Variants in MCF2L2 observed in about 807,000 individuals in gnomAD.
MCF2L2 encodes MCF.2 cell line derived transforming sequence-like 2, also known as probable guanine nucleotide exchange factor MCF2L2.
A neutral mutation model predicts 150.2 loss-of-function variants in MCF2L2; 102 were observed. The observed-to-expected ratio is 0.68, with a 90% CI of 0.58 to 0.80. The LOEUF is 0.80. Ranked by LOEUF, MCF2L2 falls within the 30% of genes least tolerant of loss-of-function variation. The pLI, the probability that MCF2L2 is intolerant of heterozygous loss-of-function variation, is 0.00. For synonymous variants in MCF2L2, 465 were observed against 491.3 expected, an observed-to-expected ratio of 0.95 and a Z score of 0.71; for missense variants, 1,256 against 1,372.8, an observed-to-expected ratio of 0.91 and a Z score of 1.34.
chr3:183,361,478 G>T (rs907452320), intron 3 of MCF2L2, among the ~76,000 whole-genome samples: 12 of 152,134 alleles, frequency 7.9e-5, no homozygotes, highest in Admixed American at 2.0e-4. Flanking sequence ...GTTCTCATGA[G>T]ATCTGATGGT....
chr3:183,197,561 C>A lies in MCF2L2; in HGVS notation c.2885-2306G>T, dbSNP rs781628102. On this transcript the variant is annotated intron_variant, in intron 25 of 29. Coordinates refer to ENST00000328913, the MANE Select transcript of MCF2L2 (RefSeq NM_015078.4). This position sits in a 1 kb window ranked among gnomAD's most constrained non-coding sequence, Gnocchi z 4.5. ...GAAAATCTTTATGGCTTTTAGATAA[C>A]GATTTCTTAGGCAGGATACCGAAAA... Among the ~76,000 whole-genome samples the A allele has an allele frequency of 6.6e-6, 1 of 152,026 alleles. No individual in the cohort carries two copies. Among genetic ancestry groups the A allele is most frequent in the Admixed American group, 6.6e-5 (1 of 15,248 alleles).
Position 183,428,244 on chromosome 3 carries a change from C to G in MCF2L2, c.-267G>C, listed in dbSNP as rs1050622131. 1 of 438,654 alleles carries G rather than the reference C, an allele frequency of 2.3e-6. No individual in the cohort carries two copies. Among genetic ancestry groups the G allele is most frequent in the Non-Finnish European group, 4.1e-6 (1 of 246,840 alleles). 27.2% of individuals were successfully genotyped at this position (438,654 alleles called of 1,614,324 possible). A position where few individuals can be genotyped will look rare whatever the true frequency, so the allele number is the denominator to read the frequency against. On this transcript the variant is annotated 5_prime_UTR_variant, in exon 1 of 30. Coordinates refer to ENST00000328913, the MANE Select transcript of MCF2L2 (RefSeq NM_015078.4). The surrounding 1 kb of genome is among the most constrained non-coding windows in gnomAD (Gnocchi z 5.1). ...GGAGCGGCCGTTCTGCAAAAGGAAG[C>G]AAGTCGCCAATCTCGCCGGAACCGC...
chr3:183,390,127 G>C (rs1577115846), intron 1 of MCF2L2, among the ~76,000 whole-genome samples: 1 of 152,034 alleles, frequency 6.6e-6, no homozygotes, highest in Non-Finnish European at 1.5e-5. Context: ...TACACCTTTG[G>C]GTCTGCAGAA....
At chr3:183,195,149 G>T in intron 26 of MCF2L2, 73 bp downstream of exon 26, 3 of 1,183,326 alleles carry the variant, frequency 2.5e-6, no homozygotes, top group Non-Finnish European at 3.6e-6. Context: ...AGCAATAAAA[G>T]CAATGACATG....
At chr3:183,217,664 A>T (rs1433625756) in intron 21 of MCF2L2, among the ~76,000 whole-genome samples, 1 of 152,138 alleles carries the variant, frequency 6.6e-6, no homozygotes, top group African/African-American at 2.4e-5. Context: ...ATTTACATGT[A>T]AAAGCTATAA....
intron 15 of MCF2L2, among the ~76,000 whole-genome samples, chr3:183,257,059 C>T (rs1467713043): frequency 3.3e-5 from 5 of 151,636 alleles, no homozygotes; most frequent in Admixed American, 3.3e-4. Flanking sequence ...AGAAAAAAAC[C>T]TGAAAAAAAA....
chr3:183,321,549 CAT>C (rs1415091083), intron 6 of MCF2L2, among the ~76,000 whole-genome samples: 1 of 151,986 alleles, frequency 6.6e-6, no homozygotes, highest in African/African-American at 2.4e-5. Context: ...GAAGTGAGCA[CAT>C]ACTGTTGGAA....
chr3:183,221,236 C>A (rs1723138266), intron 20 of MCF2L2, among the ~76,000 whole-genome samples: 1 of 152,150 alleles, frequency 6.6e-6, no homozygotes, highest in Admixed American at 6.5e-5. Flanking sequence ...TCCTCACAGA[C>A]CCCCCGCAAA....
At chr3:183,310,789 C>T in intron 9 of MCF2L2, 126 bp downstream of exon 9, 1 of 649,230 alleles carries the variant, frequency 1.5e-6, no homozygotes, top group South Asian at 2.0e-5. Flanking sequence ...TGTAAAGAAG[C>T]AAGGAGATAA....
At chr3:183,419,541 G>A (rs1316643508) in intron 1 of MCF2L2, among the ~76,000 whole-genome samples, 2 of 152,134 alleles carry the variant, frequency 1.3e-5, no homozygotes, top group Admixed American at 6.6e-5. Context: ...ATCTCTTTGT[G>A]AATGCATATA....
intron 3 of MCF2L2, among the ~76,000 whole-genome samples, chr3:183,352,493 G>C (rs922400114): frequency 6.6e-6 from 1 of 152,122 alleles, no homozygotes; most frequent in Non-Finnish European, 1.5e-5. Flanking sequence ...ACTGCACTCC[G>C]GCCTGGGCGA....
intron 2 of MCF2L2, 113 bp from the exon 3 acceptor site, chr3:183,379,524 A>C: frequency 1.4e-6 from 1 of 693,958 alleles, no homozygotes; most frequent in South Asian, 1.7e-5. Context: ...ATATTATCTC[A>C]GACTAGAATT....
Position 183,379,363 on chromosome 3 carries a change from G to A in MCF2L2, c.209C>T (p.Ser70Leu), listed in dbSNP as rs529572628. Residue 70 changes from serine (S) to leucine (L), a missense_variant, in exon 3 of 30, where the codon TCG (serine) becomes TTG (leucine). By Grantham distance (145) the Ser-to-Leu change is moderately radical. Transcript: ENST00000328913. ...TTCATCTGGGATGTGTTTGAACCCC[G>A]AAAACTCTGGGAACGTGATGATGGG... ...GAPIITFPEF[S>L]GFKHIPDEDF... The A allele has an allele frequency of 2.9e-5, 46 of 1,610,716 alleles. No homozygotes were observed. The highest frequency in any genetic ancestry group is 5.0e-5 in the Admixed American group (3 of 59,436).
At chr3:183,386,870 T>C (rs1202335621) in intron 2 of MCF2L2, among the ~76,000 whole-genome samples, 1 of 152,334 alleles carries the variant, frequency 6.6e-6, no homozygotes, top group East Asian at 1.9e-4. Context: ...AACAAAGTGC[T>C]GACTCAGAGA....
intron 5 of MCF2L2, among the ~76,000 whole-genome samples, chr3:183,334,263 T>G (rs1040880266): frequency 6.6e-6 from 1 of 152,222 alleles, no homozygotes; most frequent in African/African-American, 2.4e-5. Flanking sequence ...GAATCTTTAA[T>G]GGATACTAAA....
At chr3:183,210,942 T>C (rs1451488810) in intron 22 of MCF2L2, among the ~76,000 whole-genome samples, 2 of 151,746 alleles carry the variant, frequency 1.3e-5, no homozygotes, top group East Asian at 1.9e-4. Flanking sequence ...GGGTTGGGGG[T>C]TGGCAATGTG....
chr3:183,280,600 C>T (rs1577019297), intron 14 of MCF2L2, among the ~76,000 whole-genome samples: 1 of 151,854 alleles, frequency 6.6e-6, no homozygotes, highest in African/African-American at 2.4e-5. Context: ...GTAATCCTAG[C>T]GCTTTGGGAG....
chr3:183,196,236 G>A (rs999544563), intron 25 of MCF2L2, among the ~76,000 whole-genome samples: 1 of 152,060 alleles, frequency 6.6e-6, no homozygotes. Flanking sequence ...GGTTACCTCC[G>A]AGAGGCCCTC....
chr3:183,408,653 A>C (rs1450732276), intron 1 of MCF2L2, among the ~76,000 whole-genome samples: 1 of 152,248 alleles, frequency 6.6e-6, no homozygotes, highest in Non-Finnish European at 1.5e-5. Context: ...CAATTTAATT[A>C]ATTCTAGCTT....
Sources: allele counts gnomAD v4.1 joint callset (sites outside exome capture counted in the v4.1 genomes callset), GRCh38; gene constraint gnomAD v4.1.1; non-coding constraint Gnocchi (gnomAD v3.1); transcripts MANE v1.5; gene names NCBI Gene and HGNC (gene_info 2026-07-23, HGNC 2026-07-21).